STYX: variants seen among roughly 807,000 people sequenced by gnomAD.
The protein encoded by STYX is serine/threonine/tyrosine-interacting protein.
A neutral mutation model predicts 42.7 loss-of-function variants in STYX; 20 were observed. The ratio of observed to expected loss-of-function variants is 0.47; its 90% CI spans 0.33 to 0.68. The LOEUF (loss-of-function observed/expected upper bound fraction) is 0.68. STYX is among the 30% of genes least tolerant of loss of function. The pLI is 0.02. For missense variants in STYX, 226 were observed against 268.5 expected, an observed-to-expected ratio of 0.84 and a Z score of 1.11; for synonymous variants, 78 against 81.9, an observed-to-expected ratio of 0.95 and a Z score of 0.26.
At chr14:52,737,368 T>A (rs1051575833) in intron 1 of STYX, among the ~76,000 whole-genome samples, 5 of 152,236 alleles carry the variant, frequency 3.3e-5, no homozygotes, top group Admixed American at 1.3e-4. Context: ...CGGAAGGATG[T>A]TTTAACATGT....
In STYX at chr14:52,730,207, A is replaced by G. The variant is rs1880629664; in HGVS notation, c.-268A>G. 8 of 507,508 alleles carry G rather than the reference A, an allele frequency of 1.6e-5. No individual in the cohort carries two copies. In the South Asian group the frequency reaches 1.6e-4, roughly 10 times the overall value. 31.4% of individuals were successfully genotyped at this position (507,508 alleles called of 1,614,324 possible). On this transcript the variant is annotated 5_prime_UTR_variant, in exon 1 of 11. Coordinates refer to ENST00000354586, the MANE Select transcript of STYX (RefSeq NM_145251.4). ...CCTGTGCTGGATCCTGGGCGGCCTG[A>G]GGGGTACGGAGACTCTGGGGGAGGG...
In STYX at chr14:52,755,364, C is replaced by T. The variant is rs1881822472; in HGVS notation, c.243-1187C>T. On this transcript the variant is annotated intron_variant, in intron 4 of 10. Transcript: ENST00000354586. ...TCTTGAACTCCTGACCTCAGGCAAT[C>T]CACCTGCCTCGGCTTCCCCAAGTGC... 2.6e-5 allele frequency among the ~76,000 whole-genome samples: 4 copies of T among 152,098 alleles called. No individual in the cohort carries two copies. The South Asian group carries it at 8.3e-4, about 32-fold the overall frequency.
rs1199253638 is a variant in STYX, at chr14:52,774,165, T to A, written c.*3059T>A. Reference sequence around the variant, plus strand: ...TTTGCTACCAACTCAACCACTTAACTTTTAGAGCAGTTTTGGGGAGAGTTT... The same window carrying A: ...TTTGCTACCAACTCAACCACTTAACATTTAGAGCAGTTTTGGGGAGAGTTT... On this transcript the variant is annotated 3_prime_UTR_variant, in exon 11 of 11. Transcript: ENST00000354586. 3 of 152,180 alleles carry A rather than the reference T, an allele frequency of 2.0e-5. No individual in the cohort carries two copies. Among genetic ancestry groups the A allele is most frequent in the Non-Finnish European group, 4.4e-5 (3 of 68,018 alleles). The allele number at this position is 152,180 out of a possible 1,614,324, so 9.4% of individuals were successfully genotyped here.
chr14:52,757,086 G>C (rs1028666941), intron 5 of STYX, among the ~76,000 whole-genome samples: 3 of 152,122 alleles, frequency 2.0e-5, no homozygotes. Context: ...AATTTTTTAT[G>C]ATCTCCAGAA....
chr14:52,757,615 A>G, intron 6 of STYX, 128 bp from the exon 7 acceptor site: 1 of 901,142 alleles, frequency 1.1e-6, no homozygotes, highest in South Asian at 1.6e-5. Flanking sequence ...TGATAATAAC[A>G]AATTGTAAAG....
At chr14:52,739,109 A>C (rs892993002) in intron 1 of STYX, among the ~76,000 whole-genome samples, 1 of 150,620 alleles carries the variant, frequency 6.6e-6, no homozygotes, top group African/African-American at 2.4e-5. Context: ...TTTGGTATAC[A>C]CTTTTTAAAA....
chr14:52,764,054 G>A (rs1474085099), intron 9 of STYX, among the ~76,000 whole-genome samples: 2 of 152,058 alleles, frequency 1.3e-5, no homozygotes, highest in African/African-American at 4.8e-5. Flanking sequence ...GTGCAGTGGT[G>A]CGATCTCGGC....
rs1189452970 is a variant in STYX, at chr14:52,757,313, C to A, written c.304-6C>A. 1.2e-6 allele frequency: 2 copies of A among 1,603,886 alleles called. No homozygotes were observed. Among genetic ancestry groups the A allele is most frequent in the South Asian group, 1.1e-5 (1 of 89,334 alleles). ...TTACATTAATCCACATGTCTTTTGCCTCCAGACTAAGGAATTTATTGATGG... is the reference window on the plus strand; with the variant it reads ...TTACATTAATCCACATGTCTTTTGCATCCAGACTAAGGAATTTATTGATGG... On this transcript the variant is annotated splice_polypyrimidine_tract_variant and splice_region_variant and intron_variant, in intron 5 of 10. Transcript: ENST00000354586.
Position 52,750,705 on chromosome 14 carries a change from G to C in STYX, c.167G>C (p.Gly56Ala), listed in dbSNP as rs530883472. The change falls in exon 4 of 11, where the codon GGA becomes GCA. Residue 56 changes from glycine (G) to alanine (A), a missense_variant. Gly to Ala is a moderately conservative substitution (Grantham distance 60). Transcript: ENST00000354586. ...CAGCTACCTGTACTACAGAAACATGGAATAACCCATATAATATGCATACGA... is the reference window on the plus strand; with the variant it reads ...CAGCTACCTGTACTACAGAAACATGCAATAACCCATATAATATGCATACGA... ...KSKLPVLQKH[G>A]ITHIICIRQN... 265 of 1,579,804 alleles carry C rather than the reference G, an allele frequency of 1.7e-4. 4 individuals carry two copies. In the South Asian group the frequency reaches 3.0e-3, roughly 18 times the overall value.
chr14:52,755,168 G>A (rs1881811556), intron 4 of STYX, among the ~76,000 whole-genome samples: 1 of 150,698 alleles, frequency 6.6e-6, no homozygotes, highest in Admixed American at 6.6e-5. Context: ...TTTCACCCAG[G>A]CTGGAGTGCA....
At chr14:52,742,951 ATGCCTGG>A (rs1881252144) in intron 1 of STYX, among the ~76,000 whole-genome samples, 1 of 151,700 alleles carries the variant, frequency 6.6e-6, no homozygotes, top group Non-Finnish European at 1.5e-5. Flanking sequence ...TCCCGCCACC[ATGCCTGG>A]CTAATTTTTG....
rs997221109 is a variant in STYX, at chr14:52,730,404, G to T, written c.-71G>T. ...GCCGGCCCTCCTTCCTTCCGCCGCC[G>T]CAGCCAGCCCGAGGGTCGGCCGGCT... On this transcript the variant is annotated 5_prime_UTR_variant, in exon 1 of 11. Coordinates refer to ENST00000354586, the MANE Select transcript of STYX (RefSeq NM_145251.4). 1.5e-5 allele frequency: 23 copies of T among 1,548,768 alleles called. No individual in the cohort carries two copies. Among genetic ancestry groups the T allele is most frequent in the Admixed American group, 1.3e-4 (7 of 54,836 alleles).
At chr14:52,748,290 G>A (rs149111934) in intron 3 of STYX, among the ~76,000 whole-genome samples, 14 of 152,150 alleles carry the variant, frequency 9.2e-5, no homozygotes, top group African/African-American at 2.9e-4. Flanking sequence ...ACAGTGGCGC[G>A]CTCTCATAGC....
intron 5 of STYX, 139 bp from the exon 6 acceptor site, chr14:52,757,176 CTATT>C (rs1881906365): frequency 5.0e-6 from 3 of 596,658 alleles, no homozygotes; most frequent in Non-Finnish European, 8.0e-6. Flanking sequence ...TGTAATAGTT[CTATT>C]TATAGCATTT....
At chr14:52,751,546 G>C (rs1013003707) in intron 4 of STYX, among the ~76,000 whole-genome samples, 1 of 152,150 alleles carries the variant, frequency 6.6e-6, no homozygotes, top group Non-Finnish European at 1.5e-5. Context: ...TATCAAGTAT[G>C]TGAGAGTGAC....
intron 4 of STYX, among the ~76,000 whole-genome samples, chr14:52,751,849 C>T (rs1391247270): frequency 6.6e-6 from 1 of 152,110 alleles, no homozygotes; most frequent in South Asian, 2.1e-4. Context: ...CCTTCAATAT[C>T]TATGTAAAAG....
chr14:52,754,080 G>A (rs982945340), intron 4 of STYX, among the ~76,000 whole-genome samples: 14 of 151,644 alleles, frequency 9.2e-5, no homozygotes, highest in African/African-American at 3.4e-4. Context: ...AGTAGAGACG[G>A]GGTTTCACCA....
At chr14:52,738,993 A>T (rs1881075493) in intron 1 of STYX, among the ~76,000 whole-genome samples, 1 of 151,368 alleles carries the variant, frequency 6.6e-6, no homozygotes, top group Admixed American at 6.6e-5. Context: ...TTTTGTATAC[A>T]CGTTTCTTTC....
intron 3 of STYX, among the ~76,000 whole-genome samples, chr14:52,748,524 G>A (rs747634300): frequency 5.3e-5 from 8 of 152,092 alleles, no homozygotes; most frequent in Non-Finnish European, 8.8e-5. Flanking sequence ...ATTAGTAAAC[G>A]GTTTGTTTTT....
Sources: gnomAD v4.1 joint callset for allele counts (sites outside exome capture counted in the v4.1 genomes callset) on GRCh38, gnomAD v4.1.1 for gene constraint, MANE v1.5 for transcripts, NCBI Gene and HGNC (gene_info 2026-07-23, HGNC 2026-07-21) for gene names.